Variants in STX11 observed in about 807,000 individuals in gnomAD.
STX11 encodes syntaxin-11.
STX11 carries 21 observed loss-of-function variants against 19.9 expected under a neutral mutation model. The observed-to-expected ratio is 1.06, with a 90% CI of 0.75 to 1.52. The LOEUF is 1.52. STX11 is among the 40% of genes most tolerant of loss of function. The pLI, the probability that STX11 is intolerant of heterozygous loss-of-function variation, is 0.00. For synonymous variants in STX11, 193 were observed against 174.4 expected (o/e 1.11, Z -0.84); for missense variants, 438 against 405.9 (o/e 1.08, Z -0.68).
Position 144,154,048 on chromosome 6 carries a change from C to T in STX11, c.-6+3345C>T, listed in dbSNP as rs1801072899. ...TATGTGCGTTAAGCCTTTTACTCGT[C>T]AGTACAATCCTGTGAGATAGGTACT... On this transcript the variant is annotated intron_variant, in intron 1 of 1. Coordinates refer to ENST00000367568, the MANE Select transcript of STX11 (RefSeq NM_003764.4). The surrounding 1 kb of genome is among the most constrained non-coding windows in gnomAD (Gnocchi z 4.7). Among the ~76,000 whole-genome samples the T allele has an allele frequency of 6.6e-6, 1 of 152,184 alleles. No homozygotes were observed. The highest frequency in any genetic ancestry group is 1.5e-5 in the Non-Finnish European group (1 of 68,040).
rs1244592267 is a variant in STX11 at position 144,188,640 on chromosome 6, C to T, written c.*1149C>T. 6.6e-6 allele frequency among the ~76,000 whole-genome samples: 1 copy of T among 151,660 alleles called. No homozygotes were observed. Among genetic ancestry groups the T allele is most frequent in the Non-Finnish European group, 1.5e-5 (1 of 67,938 alleles). ...CTGTTTTTCAAGCAAGCTTAATAAACATTACATTATACACATATTTTTATA... is the reference window on the plus strand; with the variant it reads ...CTGTTTTTCAAGCAAGCTTAATAAATATTACATTATACACATATTTTTATA... On this transcript the variant is annotated 3_prime_UTR_variant, in exon 2 of 2. Coordinates refer to ENST00000367568, the MANE Select transcript of STX11 (RefSeq NM_003764.4).
rs1801378507 is a variant in STX11 at position 144,162,870 on chromosome 6, G to A, written c.-6+12167G>A. ...AGTGTGTATGTTTACCAACATGAGT[G>A]ACAACATAAGTATTATCTAAGAAAA... On this transcript the variant is annotated intron_variant, in intron 1 of 1. Transcript: ENST00000367568. The surrounding 1 kb of genome is among the most constrained non-coding windows in gnomAD (Gnocchi z 4.6). Among the ~76,000 whole-genome samples, 1 of 152,208 alleles carries A rather than the reference G, an allele frequency of 6.6e-6. No homozygotes were observed. The highest frequency in any genetic ancestry group is 2.1e-4 in the South Asian group (1 of 4,834).
At chr6:144,140,975 A>G in the STX11 span, among the ~76,000 whole-genome samples, 1 of 152,352 alleles carries the variant, frequency 6.6e-6, no homozygotes, top group African/African-American at 2.4e-5. Flanking sequence ...TTGTGGCTAA[A>G]CTAATATCTG....
upstream of STX11, among the ~76,000 whole-genome samples, chr6:144,146,103 C>T (rs527375751): frequency 9.8e-4 from 149 of 152,232 alleles, 1 homozygote; most frequent in Non-Finnish European, 2.0e-3. The surrounding 1 kb of genome is among the most constrained non-coding windows in gnomAD (Gnocchi z 4.4). Flanking sequence ...TGACTGAGGG[C>T]CATGAAGGAG....
chr6:144,161,406 C>T (rs59927968), intron 1 of STX11, among the ~76,000 whole-genome samples: 24,584 of 151,928 alleles, frequency 0.16, 3,841 homozygotes, highest in African/African-American at 0.4. Context: ...GTCTCACTGT[C>T]GCCCACGCTG....
At chr6:144,147,645 C>T (rs1179183133), upstream of STX11, among the ~76,000 whole-genome samples, 4 of 152,150 alleles carry the variant, frequency 2.6e-5, no homozygotes, top group African/African-American at 9.7e-5. The surrounding 1 kb of genome is among the most constrained non-coding windows in gnomAD (Gnocchi z 4.2). Flanking sequence ...TTGACAACTC[C>T]AAACTGAAGG....
chr6:144,140,865 C>G, the STX11 span: 17 of 854,740 alleles, frequency 2.0e-5, no homozygotes, highest in Non-Finnish European at 2.4e-5. Context: ...ACAAATTCAT[C>G]TAAATGAACA....
At position 144,183,658 on chromosome 6, in the gene STX11, G is replaced by T. The variant is rs57751197; in HGVS notation, c.-5-2965G>T. 4.7e-3 allele frequency among the ~76,000 whole-genome samples: 719 copies of T among 152,212 alleles called. 27 individuals are homozygous for T. In the East Asian group the frequency reaches 0.083, roughly 17 times the overall value. The stretch of plus-strand genomic sequence containing the variant: ...TCTAGAAAAAAAATTTAATGTACTT[G>T]CTTAGTTCAGCAGAAGCTGAGAGAG... On this transcript the variant is annotated intron_variant, in intron 1 of 1. Transcript: ENST00000367568. This position sits in a 1 kb window ranked among gnomAD's most constrained non-coding sequence, Gnocchi z 4.6.
chr6:144,171,204 G>C (rs1478182151), intron 1 of STX11, among the ~76,000 whole-genome samples: 2 of 152,200 alleles, frequency 1.3e-5, no homozygotes, highest in African/African-American at 4.8e-5. Flanking sequence ...ATACGTCCCT[G>C]AGTAGATGTG....
chr6:144,179,690 C>T (rs1396795884), intron 1 of STX11, among the ~76,000 whole-genome samples: 1 of 152,200 alleles, frequency 6.6e-6, no homozygotes, highest in Non-Finnish European at 1.5e-5. Context: ...GGATGCATGC[C>T]CTTGGGCAGG....
At position 144,191,360 on chromosome 6, in the gene STX11, C is replaced by T. The variant is rs1802204295; in HGVS notation, c.*3869C>T. Among the ~76,000 whole-genome samples, 1 of 150,148 alleles carries T rather than the reference C, an allele frequency of 6.7e-6. No homozygotes were observed. Among genetic ancestry groups the T allele is most frequent in the Non-Finnish European group, 1.5e-5 (1 of 67,672 alleles). On this transcript the variant is annotated 3_prime_UTR_variant, in exon 2 of 2. Coordinates refer to ENST00000367568, the MANE Select transcript of STX11 (RefSeq NM_003764.4). The stretch of plus-strand genomic sequence containing the variant: ...TGACATCACAGAAGTAATTTTATGG[C>T]CTTTTAAGGTAACAACTTAAAAAGA...
At chr6:144,147,150 T>C (rs1268365662), upstream of STX11, among the ~76,000 whole-genome samples, 2 of 150,818 alleles carry the variant, frequency 1.3e-5, no homozygotes, top group African/African-American at 2.5e-5. This position sits in a 1 kb window ranked among gnomAD's most constrained non-coding sequence, Gnocchi z 4.2. Flanking sequence ...CAAACAAACA[T>C]GTATAGCTTC....
rs1801042082 is a variant in STX11 at position 144,152,929 on chromosome 6, C to G, written c.-6+2226C>G. On this transcript the variant is annotated intron_variant, in intron 1 of 1. Coordinates refer to ENST00000367568, the MANE Select transcript of STX11 (RefSeq NM_003764.4). The surrounding 1 kb of genome is among the most constrained non-coding windows in gnomAD (Gnocchi z 4.9). ...GATTGCAGATGTGAGCCACCATGCC[C>G]TGCCTAATAGTTTATACATTGGTAA... Among the ~76,000 whole-genome samples the G allele has an allele frequency of 6.6e-6, 1 of 152,230 alleles. No homozygotes were observed. Among genetic ancestry groups the G allele is most frequent in the Non-Finnish European group, 1.5e-5 (1 of 68,044 alleles).
chr6:144,161,116 A>G (rs1801325181), intron 1 of STX11, among the ~76,000 whole-genome samples: 3 of 152,228 alleles, frequency 2.0e-5, no homozygotes, highest in Admixed American at 2.0e-4. Context: ...GCCACGGTAA[A>G]TCCAGTTGAA....
chr6:144,175,228 G>A lies in STX11; in HGVS notation c.-5-11395G>A, dbSNP rs1372174685. Reference sequence around the variant, plus strand: ...ACTGTACTCCAGCCTGGGCAACAGAGCGAGACCCTGTGTCAAACAATAATA... The same window carrying A: ...ACTGTACTCCAGCCTGGGCAACAGAACGAGACCCTGTGTCAAACAATAATA... On this transcript the variant is annotated intron_variant, in intron 1 of 1. Transcript: ENST00000367568. This position sits in a 1 kb window ranked among gnomAD's most constrained non-coding sequence, Gnocchi z 5.1. Among the ~76,000 whole-genome samples the A allele has an allele frequency of 6.6e-6, 1 of 152,172 alleles. No homozygotes were observed. Among genetic ancestry groups the A allele is most frequent in the African/African-American group, 2.4e-5 (1 of 41,436 alleles).
upstream of STX11, among the ~76,000 whole-genome samples, chr6:144,147,681 C>T (rs1473023337): frequency 6.6e-6 from 1 of 152,180 alleles, no homozygotes; most frequent in East Asian, 1.9e-4. This position sits in a 1 kb window ranked among gnomAD's most constrained non-coding sequence, Gnocchi z 4.2. Context: ...TCTTAATCCC[C>T]AGCAATCTTC....
chr6:144,164,270 A>G (rs1294493132), intron 1 of STX11, among the ~76,000 whole-genome samples: 1 of 152,222 alleles, frequency 6.6e-6, no homozygotes, highest in African/African-American at 2.4e-5. Context: ...AAGCTAATGG[A>G]TGCCATTATT....
rs143547259 is a variant in STX11 at position 144,186,710 on chromosome 6, C to A, written c.83C>A (p.Ser28Ter). 1.2e-6 allele frequency: 2 copies of A among 1,614,196 alleles called. No individual in the cohort carries two copies. Among genetic ancestry groups the A allele is most frequent in the Admixed American group, 3.3e-5 (2 of 60,026 alleles). The change falls in exon 2 of 2, where the codon TCG (serine) becomes TAG (stop). Residue 28 changes from serine (S) to a stop codon, truncating the protein, a stop_gained. Transcript: ENST00000367568. LOFTEE classifies it high-confidence loss of function. ...QFPDGDDEFD[S>*]PHEDIVFETD... ...CCAGACGGGGACGATGAGTTTGACT[C>A]GCCCCACGAGGACATCGTGTTCGAG...
rs771383742 is a variant in STX11, at chr6:144,162,220, G to A, written c.-6+11517G>A. Among the ~76,000 whole-genome samples the A allele has an allele frequency of 2.6e-5, 4 of 152,150 alleles. No individual in the cohort carries two copies. The highest frequency in any genetic ancestry group is 7.2e-5 in the African/African-American group (3 of 41,424). ...TTACCCCACCATCACGCCCTTTCCC[G>A]TAGATACTCGGCCTTTTATTATGAG... On this transcript the variant is annotated intron_variant, in intron 1 of 1. Coordinates refer to ENST00000367568, the MANE Select transcript of STX11 (RefSeq NM_003764.4). This position sits in a 1 kb window ranked among gnomAD's most constrained non-coding sequence, Gnocchi z 4.6.
Sources: allele counts gnomAD v4.1 joint callset (sites outside exome capture counted in the v4.1 genomes callset), GRCh38; gene constraint gnomAD v4.1.1; non-coding constraint Gnocchi (gnomAD v3.1); transcripts MANE v1.5; gene names NCBI Gene and HGNC (gene_info 2026-07-23, HGNC 2026-07-21).